Variants in KCNJ3 observed in about 807,000 individuals in gnomAD.
KCNJ3 encodes the protein potassium inwardly rectifying channel subfamily J member 3, also known as G protein-activated inward rectifier potassium channel 1.
In KCNJ3, 4 loss-of-function variants were observed where a neutral mutation model predicts 39.2. That is an observed-to-expected ratio of 0.10 (90% confidence interval 0.05 to 0.23). The LOEUF (loss-of-function observed/expected upper bound fraction) is 0.23. Ranked by LOEUF, KCNJ3 falls within the 10% of genes least tolerant of loss-of-function variation. The pLI, the probability that KCNJ3 is intolerant of heterozygous loss-of-function variation, is 1.00. For missense variants in KCNJ3, 276 were observed against 634.9 expected, an observed-to-expected ratio of 0.43 and a Z score of 6.08; for synonymous variants, 230 against 237.4, an observed-to-expected ratio of 0.97 and a Z score of 0.29.
intron 2 of KCNJ3, among the ~76,000 whole-genome samples, chr2:154,844,172 T>G (rs1687627272): frequency 1.3e-5 from 2 of 152,220 alleles, no homozygotes. Flanking sequence ...TTCCTTTCTG[T>G]TTGTTAGTTT....
intron 1 of KCNJ3, among the ~76,000 whole-genome samples, chr2:154,706,473 T>C (rs984927133): frequency 6.6e-6 from 1 of 152,144 alleles, no homozygotes; most frequent in African/African-American, 2.4e-5. Flanking sequence ...TGCCAATTTA[T>C]TATATACTCA....
chr2:154,724,542 T>G (rs1232563325), intron 2 of KCNJ3, among the ~76,000 whole-genome samples: 1 of 151,978 alleles, frequency 6.6e-6, no homozygotes, highest in Non-Finnish European at 1.5e-5. Flanking sequence ...TTCCTGCTCA[T>G]GCAGTGAGCA....
intron 2 of KCNJ3, among the ~76,000 whole-genome samples, chr2:154,720,691 A>C (rs928412967): frequency 2.6e-5 from 4 of 152,120 alleles, no homozygotes; most frequent in African/African-American, 7.2e-5. Flanking sequence ...ACACACATGA[A>C]TATGAGAGGG....
chr2:154,846,027 A>ATAAT (rs1238036558), intron 2 of KCNJ3, among the ~76,000 whole-genome samples: 2 of 152,180 alleles, frequency 1.3e-5, no homozygotes, highest in African/African-American at 4.8e-5. Context: ...AATTAAAGTA[A>ATAAT]TAATAGGATA....
intron 2 of KCNJ3, among the ~76,000 whole-genome samples, chr2:154,722,532 G>T (rs1685280578): frequency 6.6e-6 from 1 of 152,200 alleles, no homozygotes; most frequent in Non-Finnish European, 1.5e-5. Context: ...ATGGTTAGAG[G>T]TAGAGTGTGT....
chr2:154,777,044 A>G (rs73005223), intron 2 of KCNJ3, among the ~76,000 whole-genome samples: 18,959 of 151,060 alleles, frequency 0.13, 2,055 homozygotes, highest in African/African-American at 0.29. Context: ...GTACACACGC[A>G]CACACACACA....
At chr2:154,717,306 C>T (rs1685198253) in intron 2 of KCNJ3, among the ~76,000 whole-genome samples, 1 of 152,130 alleles carries the variant, frequency 6.6e-6, no homozygotes, top group African/African-American at 2.4e-5. Flanking sequence ...ACAGTTTGGA[C>T]CTAATTCTGC....
intron 2 of KCNJ3, 95 bp from the exon 3 acceptor site, chr2:154,854,632 T>C: frequency 1.2e-6 from 1 of 856,506 alleles, no homozygotes; most frequent in East Asian, 2.5e-5. Flanking sequence ...GTCCAAAACC[T>C]AGATAAGAAA....
intron 2 of KCNJ3, among the ~76,000 whole-genome samples, chr2:154,811,018 G>C (rs1687000554): frequency 6.6e-6 from 1 of 152,116 alleles, no homozygotes. Context: ...AATGAAAATA[G>C]GATGACTAGG....
chr2:154,832,168 G>A (rs1245741259), intron 2 of KCNJ3, among the ~76,000 whole-genome samples: 4 of 151,786 alleles, frequency 2.6e-5, no homozygotes, highest in East Asian at 1.9e-4. Context: ...ACCTCCCACC[G>A]GGCCCCATCT....
At chr2:154,812,918 C>A (rs1687027145) in intron 2 of KCNJ3, among the ~76,000 whole-genome samples, 1 of 152,086 alleles carries the variant, frequency 6.6e-6, no homozygotes, top group African/African-American at 2.4e-5. Flanking sequence ...TTATTGAGCA[C>A]TTTGTGTATA....
At chr2:154,760,105 A>C (rs1686012015) in intron 2 of KCNJ3, among the ~76,000 whole-genome samples, 1 of 152,190 alleles carries the variant, frequency 6.6e-6, no homozygotes, top group African/African-American at 2.4e-5. Flanking sequence ...CTTACCAGCT[A>C]TTCATGAACT....
intron 2 of KCNJ3, among the ~76,000 whole-genome samples, chr2:154,787,744 T>C (rs978825202): frequency 2.7e-5 from 4 of 147,568 alleles, no homozygotes; most frequent in African/African-American, 5.0e-5. Context: ...CATTTTCAAC[T>C]CAAACATTTT....
At chr2:154,773,823 CATT>C (rs749813812) in intron 2 of KCNJ3, among the ~76,000 whole-genome samples, 2 of 152,062 alleles carry the variant, frequency 1.3e-5, no homozygotes, top group Non-Finnish European at 2.9e-5. Flanking sequence ...ATTGTGTAGT[CATT>C]ATGAGATGTT....
chr2:154,850,974 G>C (rs1294037014), intron 2 of KCNJ3, among the ~76,000 whole-genome samples: 2 of 152,056 alleles, frequency 1.3e-5, no homozygotes, highest in Non-Finnish European at 2.9e-5. Flanking sequence ...TACTGGCTGG[G>C]CATAATGACT....
At chr2:154,782,162 A>G (rs1458011512) in intron 2 of KCNJ3, among the ~76,000 whole-genome samples, 1 of 152,168 alleles carries the variant, frequency 6.6e-6, no homozygotes, top group African/African-American at 2.4e-5. Context: ...TTAAAGAAAC[A>G]TTGTAATGCG....
intron 2 of KCNJ3, among the ~76,000 whole-genome samples, chr2:154,760,259 A>T (rs1380618676): frequency 6.6e-6 from 1 of 152,060 alleles, no homozygotes; most frequent in African/African-American, 2.4e-5. Context: ...TTTTTCATAT[A>T]ATTATTACTC....
chr2:154,709,867 A>G (rs1299411448), intron 2 of KCNJ3, 48 bp downstream of exon 2: 5 of 1,597,592 alleles, frequency 3.1e-6, no homozygotes, highest in Non-Finnish European at 4.3e-6. Flanking sequence ...CCATAATGAC[A>G]TTATATGATA....
intron 2 of KCNJ3, among the ~76,000 whole-genome samples, chr2:154,731,057 T>A (rs892277819): frequency 6.6e-6 from 1 of 152,152 alleles, no homozygotes; most frequent in Non-Finnish European, 1.5e-5. Context: ...AAGAATATGA[T>A]TAAATGCCTC....
Sources: gnomAD v4.1 joint callset for allele counts (sites outside exome capture counted in the v4.1 genomes callset) on GRCh38, gnomAD v4.1.1 for gene constraint, MANE v1.5 for transcripts, NCBI Gene and HGNC (gene_info 2026-07-23, HGNC 2026-07-21) for gene names.